The following DLGAP1 variants were observed in gnomAD, a reference collection of about 807,000 sequenced individuals.
DLGAP1 encodes the protein disks large-associated protein 1.
DLGAP1 carries 11 observed loss-of-function variants against 90.8 expected under a neutral mutation model. That is an observed-to-expected ratio of 0.12 (90% CI 0.08 to 0.20). The LOEUF is 0.20. DLGAP1 is among the 10% of genes least tolerant of loss of function. The pLI is 1.00. For synonymous variants in DLGAP1, 558 were observed against 540.7 expected, an observed-to-expected ratio of 1.03 and a Z score of -0.44; for missense variants, 1,050 against 1,333.8, an observed-to-expected ratio of 0.79 and a Z score of 3.31.
intron 1 of DLGAP1, among the ~76,000 whole-genome samples, chr18:4,421,698 G>GT (rs1468026274): frequency 6.6e-6 from 1 of 152,036 alleles, no homozygotes; most frequent in African/African-American, 2.4e-5. Flanking sequence ...TGCCTTTATA[G>GT]TTTTTTAGTT....
chr18:4,333,623 A>AATTTTTTTTTTT lies in DLGAP1; in HGVS notation c.-267+121382_-267+121383insAAAAAAAAAAAT, dbSNP rs1568519809. ...GCTCAAGACATTATATATATATATAATTTTTTTTTTTTTTGAAACAGAGTC... is the reference window on the plus strand; with the variant it reads ...GCTCAAGACATTATATATATATATAAATTTTTTTTTTTTTTTTTTTTTTTTTGAAACAGAGTC... On this transcript the variant is annotated intron_variant, in intron 1 of 12. Coordinates refer to ENST00000315677, the MANE Select transcript of DLGAP1 (RefSeq NM_004746.4). 9.2e-5 allele frequency among the ~76,000 whole-genome samples: 13 copies of AATTTTTTTTTTT among 141,110 alleles called. No homozygotes were observed. The South Asian group carries it at 2.0e-3, about 22-fold the overall frequency. 92.6% of individuals were successfully genotyped at this position (141,110 alleles called of 152,430 possible).
chr18:4,195,844 C>T (rs371329387), intron 1 of DLGAP1, among the ~76,000 whole-genome samples: 10 of 152,320 alleles, frequency 6.6e-5, no homozygotes, highest in African/African-American at 1.9e-4. Flanking sequence ...TGAGCCATCG[C>T]GCCCGGCCTG....
At chr18:4,174,425 C>A (rs868630449) in intron 1 of DLGAP1, among the ~76,000 whole-genome samples, 39 of 152,196 alleles carry the variant, frequency 2.6e-4, no homozygotes, top group Middle Eastern at 3.4e-3. Context: ...ACCTCCGCCC[C>A]CCGGGTTCAA....
chr18:3,995,434 C>G (rs1834303452), intron 3 of DLGAP1: 1 of 152,140 alleles, frequency 6.6e-6, no homozygotes, highest in South Asian at 2.1e-4. Context: ...TTTGTATCTT[C>G]TTCGGGACAG....
At chr18:4,366,708 A>G (rs1286787567) in intron 1 of DLGAP1, among the ~76,000 whole-genome samples, 2 of 150,642 alleles carry the variant, frequency 1.3e-5, no homozygotes, top group Non-Finnish European at 3.0e-5. Flanking sequence ...CGTCCATGGA[A>G]AAAAAAAAAT....
At chr18:3,552,968 T>A (rs888776102) in intron 9 of DLGAP1, among the ~76,000 whole-genome samples, 3 of 147,694 alleles carry the variant, frequency 2.0e-5, no homozygotes, top group Non-Finnish European at 3.1e-5. Flanking sequence ...TTTTGCTGTT[T>A]TTTTTTTTCT....
chr18:4,331,873 C>T (rs1348370909), intron 1 of DLGAP1, among the ~76,000 whole-genome samples: 2 of 151,886 alleles, frequency 1.3e-5, no homozygotes, highest in Non-Finnish European at 2.9e-5. Context: ...TTCATTCATT[C>T]TCTCAACAAA....
At chr18:3,875,685 G>A (rs2070981825) in intron 4 of DLGAP1, among the ~76,000 whole-genome samples, 1 of 152,134 alleles carries the variant, frequency 6.6e-6, no homozygotes, top group Non-Finnish European at 1.5e-5. Context: ...GACAACATCT[G>A]AAAAACATAC....
chr18:3,906,102 C>T (rs1296727244), intron 3 of DLGAP1, among the ~76,000 whole-genome samples: 2 of 152,240 alleles, frequency 1.3e-5, no homozygotes, highest in East Asian at 1.9e-4. Flanking sequence ...AGTTTACTCC[C>T]AAGAATCTTG....
intron 7 of DLGAP1, among the ~76,000 whole-genome samples, chr18:3,606,101 A>G (rs2057314566): frequency 6.6e-6 from 1 of 152,190 alleles, no homozygotes; most frequent in Non-Finnish European, 1.5e-5. Flanking sequence ...AGATTAAAGA[A>G]TTTTGGCATC....
intron 1 of DLGAP1, among the ~76,000 whole-genome samples, chr18:4,247,561 A>G (rs2078679416): frequency 6.6e-6 from 1 of 152,092 alleles, no homozygotes; most frequent in South Asian, 2.1e-4. Context: ...GGATCACCTG[A>G]GGTCAGGAGT....
At chr18:3,540,545 C>A (rs1417342668) in intron 9 of DLGAP1, among the ~76,000 whole-genome samples, 2 of 146,734 alleles carry the variant, frequency 1.4e-5, no homozygotes, top group African/African-American at 5.1e-5. Context: ...TAATTTGGAT[C>A]AGCTTCCAAA....
At chr18:4,099,582 T>G (rs2143855455) in intron 2 of DLGAP1, among the ~76,000 whole-genome samples, 1 of 152,312 alleles carries the variant, frequency 6.6e-6, no homozygotes, top group African/African-American at 2.4e-5. Flanking sequence ...CATCTGAGCC[T>G]TCAGGGAGTT....
intron 1 of DLGAP1, among the ~76,000 whole-genome samples, chr18:4,356,815 C>T (rs754258251): frequency 1.2e-4 from 19 of 152,100 alleles, no homozygotes; most frequent in Admixed American, 3.3e-4. Flanking sequence ...GTTACTTTTC[C>T]GACCTCTTCC....
At chr18:4,011,171 G>A (rs1475983797) in intron 2 of DLGAP1, among the ~76,000 whole-genome samples, 4 of 72,418 alleles carry the variant, frequency 5.5e-5, no homozygotes, top group South Asian at 5.0e-4. Context: ...GCAAGATTCC[G>A]CCTCAAAAAA....
chr18:3,599,395 G>A (rs796979179), intron 7 of DLGAP1, among the ~76,000 whole-genome samples: 8 of 152,348 alleles, frequency 5.3e-5, no homozygotes, highest in African/African-American at 1.9e-4. Flanking sequence ...TCTGCAGGGA[G>A]AGGTGGCATC....
chr18:3,652,165 A>C (rs1599732264), intron 7 of DLGAP1, among the ~76,000 whole-genome samples: 1 of 135,604 alleles, frequency 7.4e-6, no homozygotes, highest in Non-Finnish European at 1.5e-5. Flanking sequence ...CTCTGTATCA[A>C]AAAAAAAAAA....
chr18:3,557,832 C>A (rs2053845822), intron 9 of DLGAP1, among the ~76,000 whole-genome samples: 1 of 151,518 alleles, frequency 6.6e-6, no homozygotes, highest in Non-Finnish European at 1.5e-5. Context: ...AAGGCTGAGG[C>A]AAAAGAGCTG....
At chr18:3,540,469 CAAAAAAAAAAAAAA>C (rs60740209) in intron 9 of DLGAP1, among the ~76,000 whole-genome samples, 104 of 58,022 alleles carry the variant, frequency 1.8e-3, no homozygotes, top group Non-Finnish European at 2.7e-3. Flanking sequence ...GGCCCTGTGT[CAAAAAAAAAAAAAA>C]AAAAAAAAAA....
Sources: gnomAD v4.1 joint callset for allele counts (sites outside exome capture counted in the v4.1 genomes callset) on GRCh38, gnomAD v4.1.1 for gene constraint, MANE v1.5 for transcripts, NCBI Gene and HGNC (gene_info 2026-07-23, HGNC 2026-07-21) for gene names.